FBXO34: variants seen among roughly 807,000 people sequenced by gnomAD.
FBXO34 encodes F-box protein 34.
A neutral mutation model predicts 24.5 loss-of-function variants in FBXO34; 12 were observed. The ratio of observed to expected loss-of-function variants is 0.49; its 90% CI spans 0.31 to 0.79. The LOEUF (loss-of-function observed/expected upper bound fraction) is 0.79. Ranked by LOEUF, FBXO34 falls within the 30% of genes least tolerant of loss-of-function variation. The probability of loss-of-function intolerance (pLI) is 0.04; values close to 1 mark genes in which losing one functional copy is unlikely to be tolerated. For missense variants in FBXO34, 823 were observed against 857.7 expected, an observed-to-expected ratio of 0.96 and a Z score of 0.51; for synonymous variants, 320 against 311.9, an observed-to-expected ratio of 1.03 and a Z score of -0.27.
chr14:55,395,884 T>C, the FBXO34 span: 1 of 1,271,572 alleles, frequency 7.9e-7, no homozygotes, highest in South Asian at 1.7e-5. Context: ...TTTTATAAGC[T>C]CTACCAACTT....
At chr14:55,321,036 A>G (rs946802018) in intron 1 of FBXO34, among the ~76,000 whole-genome samples, 5 of 150,888 alleles carry the variant, frequency 3.3e-5, no homozygotes, top group African/African-American at 1.2e-4. Context: ...TAAACAGTGG[A>G]CACAGAGAAA....
the FBXO34 span, among the ~76,000 whole-genome samples, chr14:55,396,631 C>T: frequency 6.6e-6 from 1 of 152,064 alleles, no homozygotes; most frequent in Non-Finnish European, 1.5e-5. Flanking sequence ...AAAGAGACAA[C>T]CCTTTTAGAA....
the FBXO34 span, among the ~76,000 whole-genome samples, chr14:55,415,738 C>T: frequency 2.0e-5 from 3 of 152,108 alleles, no homozygotes; most frequent in South Asian, 6.2e-4. Flanking sequence ...TGGCGGTGGG[C>T]GTCTGTCATC....
chr14:55,425,364 A>G, the FBXO34 span, among the ~76,000 whole-genome samples: 1 of 152,224 alleles, frequency 6.6e-6, no homozygotes, highest in African/African-American at 2.4e-5. Flanking sequence ...TGAAGGCTGG[A>G]GACACAAAAA....
chr14:55,318,334 A>T (rs1313158043), intron 1 of FBXO34: 11 of 2,606 alleles, frequency 4.2e-3, no homozygotes, highest in Non-Finnish European at 0.037. Context: ...TTTGCAAGTC[A>T]TATATATATA....
At chr14:55,297,797 T>C (rs1882192332) in intron 1 of FBXO34, among the ~76,000 whole-genome samples, 1 of 152,152 alleles carries the variant, frequency 6.6e-6, no homozygotes. Flanking sequence ...AAAGAAATCT[T>C]GGAGCACAGC....
At chr14:55,379,943 C>A in the FBXO34 span, among the ~76,000 whole-genome samples, 1 of 152,058 alleles carries the variant, frequency 6.6e-6, no homozygotes, top group African/African-American at 2.4e-5. Flanking sequence ...TAAAAAACAA[C>A]AACAACAAAC....
At chr14:55,298,900 A>AT in intron 1 of FBXO34, 11 of 1,589,898 alleles carry the variant, frequency 6.9e-6, no homozygotes, top group Non-Finnish European at 9.5e-6. Flanking sequence ...GCCCTGGAGA[A>AT]TGCCAACACC....
the FBXO34 span, among the ~76,000 whole-genome samples, chr14:55,398,075 G>A: frequency 6.7e-6 from 1 of 149,902 alleles, no homozygotes; most frequent in Non-Finnish European, 1.5e-5. Flanking sequence ...AGCCTCCCAA[G>A]CAGCTGGGAC....
chr14:55,440,131 A>AAC, the FBXO34 span, among the ~76,000 whole-genome samples: 223 of 151,708 alleles, frequency 1.5e-3, 1 homozygote, highest in Middle Eastern at 3.4e-3. Flanking sequence ...TCAATCAAAA[A>AAC]CCAGAACAAC....
chr14:55,436,812 G>C, the FBXO34 span: 28 of 1,614,078 alleles, frequency 1.7e-5, no homozygotes, highest in Non-Finnish European at 2.3e-5. Flanking sequence ...CTTCAGTTTC[G>C]TGTTTGCTAA....
chr14:55,379,915 A>G, the FBXO34 span, among the ~76,000 whole-genome samples: 3 of 152,252 alleles, frequency 2.0e-5, no homozygotes, highest in Admixed American at 1.3e-4. Context: ...TGAATTTTAA[A>G]CCATGTGAGT....
the FBXO34 span, among the ~76,000 whole-genome samples, chr14:55,400,775 G>A: frequency 6.6e-6 from 1 of 152,042 alleles, no homozygotes; most frequent in Non-Finnish European, 1.5e-5. Context: ...GTGGTGGCGG[G>A]CACCTGTAAT....
chr14:55,435,579 G>GA, the FBXO34 span, among the ~76,000 whole-genome samples: 2 of 151,986 alleles, frequency 1.3e-5, no homozygotes, highest in Non-Finnish European at 2.9e-5. Context: ...CAGCCTAAGT[G>GA]AAAAATTATA....
chr14:55,382,710 A>G, the FBXO34 span, among the ~76,000 whole-genome samples: 11 of 152,226 alleles, frequency 7.2e-5, no homozygotes, highest in Non-Finnish European at 1.2e-4. Context: ...AGATCAAACC[A>G]GCTGTGGCAC....
chr14:55,428,093 G>A, the FBXO34 span, among the ~76,000 whole-genome samples: 3 of 134,048 alleles, frequency 2.2e-5, no homozygotes, highest in South Asian at 2.4e-4. Flanking sequence ...CCTTCCTACC[G>A]GCCTAGTCCA....
chr14:55,429,939 C>T, the FBXO34 span, among the ~76,000 whole-genome samples: 1 of 151,968 alleles, frequency 6.6e-6, no homozygotes, highest in African/African-American at 2.4e-5. Context: ...ATGAAAATAC[C>T]TCAAAACCCC....
At chr14:55,440,526 G>A in the FBXO34 span, 327 of 1,608,136 alleles carry the variant, frequency 2.0e-4, 1 homozygote, top group Middle Eastern at 1.9e-4. Flanking sequence ...AACCCGCTCC[G>A]GCCAGGGCGC....
chr14:55,323,236 T>A (rs1470833668), intron 1 of FBXO34, among the ~76,000 whole-genome samples: 5 of 112,302 alleles, frequency 4.5e-5, no homozygotes, highest in African/African-American at 1.5e-4. Flanking sequence ...TTTTTTTTTT[T>A]TTTTTTTTTT....
Sources: gnomAD v4.1 joint callset for allele counts (sites outside exome capture counted in the v4.1 genomes callset) on GRCh38, gnomAD v4.1.1 for gene constraint, MANE v1.5 for transcripts, NCBI Gene and HGNC (gene_info 2026-07-23, HGNC 2026-07-21) for gene names.